The following ECT2 variants were observed in gnomAD, a reference collection of about 807,000 sequenced individuals.
The protein encoded by ECT2 is protein ECT2.
A neutral mutation model predicts 116.9 loss-of-function variants in ECT2; 61 were observed. The ratio of observed to expected loss-of-function variants is 0.52; its 90% CI spans 0.42 to 0.65. ECT2 has a LOEUF of 0.65. ECT2 is among the 30% of genes least tolerant of loss of function. The pLI, the probability that ECT2 is intolerant of heterozygous loss-of-function variation, is 0.00. For missense variants in ECT2, 937 were observed against 1,078.7 expected, an observed-to-expected ratio of 0.87 and a Z score of 1.84; for synonymous variants, 358 against 346.4, an observed-to-expected ratio of 1.03 and a Z score of -0.37.
chr3:172,755,616 C>T (rs1716822094), intron 4 of ECT2, 41 bp downstream of exon 4: 1 of 1,043,366 alleles, frequency 9.6e-7, no homozygotes, highest in South Asian at 1.6e-5. Context: ...TGCTGCACTT[C>T]CCTTGATTGT....
At chr3:172,768,934 CTTG>C in intron 12 of ECT2, 70 bp from the exon 13 acceptor site, 6 of 1,392,992 alleles carry the variant, frequency 4.3e-6, no homozygotes, top group Admixed American at 2.5e-5. Flanking sequence ...TCCTTTTTAT[CTTG>C]TTAAGTCTAC....
chr3:172,789,538 G>A (rs188450514), intron 18 of ECT2, among the ~76,000 whole-genome samples: 72 of 152,214 alleles, frequency 4.7e-4, no homozygotes, highest in African/African-American at 1.7e-3. Flanking sequence ...AATGAAGTTG[G>A]CCATATCAGT....
chr3:172,788,442 C>T (rs1283361009), intron 18 of ECT2, among the ~76,000 whole-genome samples: 3 of 152,090 alleles, frequency 2.0e-5, no homozygotes, highest in Non-Finnish European at 2.9e-5. Context: ...CCCATGAAAC[C>T]ATCACCACAA....
intron 17 of ECT2, 109 bp from the exon 18 acceptor site, chr3:172,786,384 A>C (rs1386322383): frequency 4.5e-6 from 3 of 665,920 alleles, no homozygotes; most frequent in Non-Finnish European, 5.1e-6. Context: ...AAAAATAAGG[A>C]TTGAATATTA....
At chr3:172,818,070 A>G (rs949733600) in intron 24 of ECT2, among the ~76,000 whole-genome samples, 2 of 152,140 alleles carry the variant, frequency 1.3e-5, no homozygotes, top group Admixed American at 1.3e-4. Flanking sequence ...CTTGAGTTTT[A>G]TAAGTGATTT....
Position 172,782,227 on chromosome 3 carries a change from A to G in ECT2, c.1613A>G (p.Lys538Arg), listed in dbSNP as rs756591795. The part of the protein sequence containing the change: ...ESKSIGDIFL[K>R]YSKDLVKTYP... ...AAAAGCATTGGTGACATTTTTCTGAAATATGTAAGTATTGTATTTCTTTTT... is the reference window on the plus strand; with the variant it reads ...AAAAGCATTGGTGACATTTTTCTGAGATATGTAAGTATTGTATTTCTTTTT... Residue 538 changes from lysine (K) to arginine (R), a missense_variant, in exon 15 of 25, where the codon AAA (lysine) becomes AGA (arginine). Lys to Arg is a conservative substitution (Grantham distance 26). Transcript: ENST00000392692. The G allele has an allele frequency of 6.5e-7, 1 of 1,543,472 alleles. No homozygotes were observed. The highest frequency in any genetic ancestry group is 8.9e-7 in the Non-Finnish European group (1 of 1,128,782).
intron 6 of ECT2, 60 bp downstream of exon 6, chr3:172,759,129 C>CT (rs950881693): frequency 7.7e-5 from 89 of 1,155,956 alleles, no homozygotes; most frequent in African/African-American, 1.3e-4. Flanking sequence ...TTAAAATTGG[C>CT]TTTTTTTTCT....
intron 7 of ECT2, 98 bp from the exon 8 acceptor site, chr3:172,761,512 G>T (rs915351601): frequency 3.0e-5 from 22 of 742,506 alleles, no homozygotes; most frequent in Non-Finnish European, 4.9e-5. Context: ...AGCAGATAGT[G>T]ATCTAAAACT....
intron 18 of ECT2, among the ~76,000 whole-genome samples, chr3:172,794,526 T>C (rs1725263531): frequency 1.3e-5 from 2 of 152,216 alleles, no homozygotes. Flanking sequence ...TTGGGAAGTA[T>C]GTGTCTTCCA....
At chr3:172,775,450 A>G (rs1164478243) in intron 14 of ECT2, among the ~76,000 whole-genome samples, 5 of 152,106 alleles carry the variant, frequency 3.3e-5, no homozygotes, top group Non-Finnish European at 7.4e-5. Flanking sequence ...TCTAAAGAGA[A>G]CTCTGAAGGA....
intron 12 of ECT2, 60 bp from the exon 13 acceptor site, chr3:172,768,947 C>T: frequency 2.1e-6 from 3 of 1,461,336 alleles, no homozygotes; most frequent in Non-Finnish European, 2.8e-6. Flanking sequence ...GTTAAGTCTA[C>T]ATAATGTTTG....
intron 12 of ECT2, 93 bp from the exon 13 acceptor site, chr3:172,768,914 A>T: frequency 1.5e-6 from 2 of 1,353,712 alleles, no homozygotes; most frequent in Admixed American, 5.0e-5. Context: ...TTATAAGAGT[A>T]GGTTTTCTCT....
chr3:172,827,230 A>T, the ECT2 span, among the ~76,000 whole-genome samples: 1 of 152,200 alleles, frequency 6.6e-6, no homozygotes, highest in African/African-American at 2.4e-5. Flanking sequence ...GTTTCCTCAA[A>T]AAAGCTAAAA....
At chr3:172,828,299 C>T in the ECT2 span, among the ~76,000 whole-genome samples, 11 of 149,376 alleles carry the variant, frequency 7.4e-5, no homozygotes, top group African/African-American at 2.8e-4. Flanking sequence ...CCAAACTGAA[C>T]AAATTCAAAT....
chr3:172,826,076 G>A (rs1233446915), downstream of ECT2, among the ~76,000 whole-genome samples: 1 of 152,150 alleles, frequency 6.6e-6, no homozygotes, highest in East Asian at 1.9e-4. Context: ...TGTATTTTTA[G>A]TAGGGATGGG....
chr3:172,764,510 AT>A lies in ECT2; in HGVS notation c.1291+12del, dbSNP rs760788229. Reference sequence around the variant, plus strand: ...AGCATTAACTATGGAGGTAATTCACATTCTTAAAAACTTGTCTTTAAAGTTT... The same window carrying A: ...AGCATTAACTATGGAGGTAATTCACATCTTAAAAACTTGTCTTTAAAGTTT... On this transcript the variant is annotated intron_variant, in intron 12 of 24. Coordinates refer to ENST00000392692, the MANE Select transcript of ECT2 (RefSeq NM_001258315.2). 1.2e-6 allele frequency: 2 copies of A among 1,607,786 alleles called. No homozygotes were observed. The highest frequency in any genetic ancestry group is 1.1e-5 in the South Asian group (1 of 90,790).
At chr3:172,811,855 CA>C (rs1266463114) in intron 22 of ECT2, among the ~76,000 whole-genome samples, 1 of 152,072 alleles carries the variant, frequency 6.6e-6, no homozygotes, top group Non-Finnish European at 1.5e-5. Context: ...ATCAAATATA[CA>C]ACAGTATACT....
In ECT2 at chr3:172,816,673, T is replaced by C. The variant is rs777059213; in HGVS notation, c.2509-18T>C. 4 of 1,569,148 alleles carry C rather than the reference T, an allele frequency of 2.5e-6. No individual in the cohort carries two copies. The highest frequency in any genetic ancestry group is 1.8e-5 in the Admixed American group (1 of 56,344). On this transcript the variant is annotated intron_variant, in intron 23 of 24. Transcript: ENST00000392692. ...ATTGAATTTGTCTAGGTTTAACTAA[T>C]TGTAACTTAAACTCTAGGTTACAAG...
chr3:172,751,349 G>A (rs903011723), intron 1 of ECT2, among the ~76,000 whole-genome samples: 2 of 152,232 alleles, frequency 1.3e-5, no homozygotes, highest in Non-Finnish European at 2.9e-5. Context: ...GTCCGGCTTA[G>A]TGGTTAAAGG....
Sources: allele counts gnomAD v4.1 joint callset (sites outside exome capture counted in the v4.1 genomes callset), GRCh38; gene constraint gnomAD v4.1.1; transcripts MANE v1.5; gene names NCBI Gene and HGNC (gene_info 2026-07-23, HGNC 2026-07-21).